Variants in TRAPPC8 observed in about 807,000 individuals in gnomAD.
TRAPPC8 encodes the protein general sporulation gene 1 homolog.
TRAPPC8 carries 54 observed loss-of-function variants against 174.3 expected under a neutral mutation model. That is an observed-to-expected ratio of 0.31 (90% CI 0.25 to 0.39). TRAPPC8 has a LOEUF of 0.39. Ranked by LOEUF, TRAPPC8 falls within the 10% of genes least tolerant of loss-of-function variation. The probability of loss-of-function intolerance (pLI) is 1.00; values close to 1 mark genes in which losing one functional copy is unlikely to be tolerated. For missense variants in TRAPPC8, 1,531 were observed against 1,699.1 expected (o/e 0.90, Z 1.74); for synonymous variants, 630 against 579.9 (o/e 1.09, Z -1.24).
intron 27 of TRAPPC8, among the ~76,000 whole-genome samples, chr18:31,833,766 G>A (rs985975640): frequency 6.6e-6 from 1 of 152,124 alleles, no homozygotes; most frequent in African/African-American, 2.4e-5. Context: ...CATTTTGGGA[G>A]ACCGAGGCGG....
chr18:31,915,953 A>C (rs2037125744), intron 4 of TRAPPC8, among the ~76,000 whole-genome samples: 1 of 149,790 alleles, frequency 6.7e-6, no homozygotes. Flanking sequence ...GCTACTCAGG[A>C]GGCTGAGGCA....
chr18:31,855,659 C>T lies in TRAPPC8; in HGVS notation c.3336+1G>A. ...CAAAATTCAGTTTTAAACCAACTTA[C>T]AGTATTGGTATTTTCCACATCCACA... On this transcript the variant is annotated splice_donor_variant, in intron 21 of 28. Coordinates refer to ENST00000283351, the MANE Select transcript of TRAPPC8 (RefSeq NM_014939.5). LOFTEE classifies it high-confidence loss of function. The T allele has an allele frequency of 6.3e-7, 1 of 1,584,460 alleles. No homozygotes were observed. Among genetic ancestry groups the T allele is most frequent in the Non-Finnish European group, 8.5e-7 (1 of 1,172,586 alleles).
intron 22 of TRAPPC8, 111 bp from the exon 23 acceptor site, chr18:31,852,774 A>C (rs1044805371): frequency 1.2e-6 from 1 of 839,650 alleles, no homozygotes; most frequent in Non-Finnish European, 1.9e-6. Context: ...CGTAATTATA[A>C]ATAATGTTTA....
At chr18:31,889,491 C>T (rs1249388396) in intron 12 of TRAPPC8, among the ~76,000 whole-genome samples, 1 of 152,188 alleles carries the variant, frequency 6.6e-6, no homozygotes, top group Non-Finnish European at 1.5e-5. Context: ...CAAAGGAAAC[C>T]TCCTGCTTAA....
At chr18:31,849,186 G>C (rs2033572581) in intron 25 of TRAPPC8, among the ~76,000 whole-genome samples, 1 of 152,124 alleles carries the variant, frequency 6.6e-6, no homozygotes, top group Middle Eastern at 3.4e-3. Flanking sequence ...AAGGTAAATG[G>C]ATTATATGAA....
At chr18:31,938,518 C>A (rs2038199078) in intron 1 of TRAPPC8, among the ~76,000 whole-genome samples, 1 of 151,968 alleles carries the variant, frequency 6.6e-6, no homozygotes, top group African/African-American at 2.4e-5. Flanking sequence ...TTCTACCAAC[C>A]CTCTCTTTGG....
In TRAPPC8 at chr18:31,866,923, A is replaced by G. The variant is rs764502403; in HGVS notation, c.2516T>C (p.Val839Ala). The G allele has an allele frequency of 1.2e-5, 19 of 1,613,456 alleles. No individual in the cohort carries two copies. The highest frequency in any genetic ancestry group is 2.7e-5 in the African/African-American group (2 of 74,824). ...CTGAATAGTGCCAAGATTATAAACA[A>G]CTCCCAGAATATGCAGCTCCCCTAT... is the stretch of plus-strand genomic sequence containing the variant. Reference protein sequence around the residue: ...HHIGELHILGVVYNLGTIQGS... With the variant: ...HHIGELHILGAVYNLGTIQGS... Residue 839 changes from valine to alanine, a missense_variant, in exon 18 of 29, where the codon GTT becomes GCT. Coordinates refer to ENST00000283351, the MANE Select transcript of TRAPPC8 (RefSeq NM_014939.5).
At chr18:31,874,824 G>C in intron 12 of TRAPPC8, 120 bp from the exon 13 acceptor site, 1 of 727,998 alleles carries the variant, frequency 1.4e-6, no homozygotes, top group Non-Finnish European at 2.2e-6. Flanking sequence ...AGGGGGACTG[G>C]GATAATGAAG....
At chr18:31,889,398 G>T (rs1359320323) in intron 12 of TRAPPC8, among the ~76,000 whole-genome samples, 7 of 152,044 alleles carry the variant, frequency 4.6e-5, no homozygotes, top group Non-Finnish European at 5.9e-5. Flanking sequence ...TCACAAAAGT[G>T]GACAAAGATG....
chr18:31,874,156 A>G (rs1183084076), intron 13 of TRAPPC8: 1 of 364,322 alleles, frequency 2.7e-6, no homozygotes, highest in Non-Finnish European at 4.9e-6. Context: ...CCCACTTAAA[A>G]CCAACTGTAA....
chr18:31,913,244 A>G (rs1256101071), intron 5 of TRAPPC8, 125 bp downstream of exon 5: 1 of 1,028,462 alleles, frequency 9.7e-7, no homozygotes, highest in Non-Finnish European at 1.4e-6. Context: ...CTAAGAGCTC[A>G]CCTCTGACAG....
intron 14 of TRAPPC8, among the ~76,000 whole-genome samples, chr18:31,872,653 T>G (rs552827014): frequency 1.3e-5 from 2 of 152,224 alleles, no homozygotes; most frequent in African/African-American, 4.8e-5. Flanking sequence ...TCTCTTGACC[T>G]CATGATCTGC....
chr18:31,864,465 T>C (rs1335640591), intron 19 of TRAPPC8, among the ~76,000 whole-genome samples, 162 bp downstream of exon 19: 1 of 152,172 alleles, frequency 6.6e-6, no homozygotes, highest in Non-Finnish European at 1.5e-5. Flanking sequence ...ATTTGCATGA[T>C]TGCCTTACAT....
chr18:31,884,766 G>C (rs1025414710), intron 12 of TRAPPC8, among the ~76,000 whole-genome samples: 11 of 152,072 alleles, frequency 7.2e-5, no homozygotes, highest in Middle Eastern at 3.2e-3. Flanking sequence ...CAGCACTTTG[G>C]GGGGCCAAGG....
At chr18:31,867,073 C>A in intron 17 of TRAPPC8, 98 bp from the exon 18 acceptor site, 1 of 1,298,318 alleles carries the variant, frequency 7.7e-7, no homozygotes. Context: ...AACTCATGAC[C>A]TAAACTTTTA....
At position 31,913,651 on chromosome 18, in the gene TRAPPC8, A is replaced by G. The variant is rs1435949460; in HGVS notation, c.618-129T>C. The G allele has an allele frequency of 8.5e-6, 6 of 710,034 alleles. No homozygotes were observed. The African/African-American group carries it at 9.4e-5, about 11-fold the overall frequency. 44.0% of individuals were successfully genotyped at this position (710,034 alleles called of 1,614,324 possible). ...AAAGGCATATTTAGACTGGAAAAAT[A>G]TAAAAGAGGACATAAGAATTATCCT... On this transcript the variant is annotated intron_variant, in intron 4 of 28. Coordinates refer to ENST00000283351, the MANE Select transcript of TRAPPC8 (RefSeq NM_014939.5).
At chr18:31,931,689 A>C (rs1200460139) in intron 1 of TRAPPC8, among the ~76,000 whole-genome samples, 166 bp from the exon 2 acceptor site, 3 of 152,180 alleles carry the variant, frequency 2.0e-5, no homozygotes, top group Non-Finnish European at 4.4e-5. Context: ...ATTCCCTCAT[A>C]TACCAAAAGG....
At chr18:31,912,958 C>T (rs928951197) in intron 5 of TRAPPC8, among the ~76,000 whole-genome samples, 1 of 151,892 alleles carries the variant, frequency 6.6e-6, no homozygotes, top group African/African-American at 2.4e-5. Context: ...TGAAACCTCA[C>T]CTCTACTAAA....
rs1242506546 is a variant in TRAPPC8, at chr18:31,906,021, A to T, written c.1389+1439T>A. On this transcript the variant is annotated intron_variant, in intron 9 of 28. Transcript: ENST00000283351. ...ATATTTAGCCAAGGAAAATTCACTT[A>T]TATTTTCAAACACTTCTCATGAACA... 2.0e-5 allele frequency among the ~76,000 whole-genome samples: 3 copies of T among 152,154 alleles called. 1 individual carries two copies. Among genetic ancestry groups the T allele is most frequent in the Non-Finnish European group, 4.4e-5 (3 of 68,014 alleles).
Sources: gnomAD v4.1 joint callset for allele counts (sites outside exome capture counted in the v4.1 genomes callset) on GRCh38, gnomAD v4.1.1 for gene constraint, MANE v1.5 for transcripts, NCBI Gene and HGNC (gene_info 2026-07-23, HGNC 2026-07-21) for gene names.